HACE1: variants seen among roughly 807,000 people sequenced by gnomAD.
The protein encoded by HACE1 is E3 ubiquitin-protein ligase HACE1.
Under a neutral mutation model 118.4 loss-of-function variants are expected in HACE1, and 73 were observed. The ratio of observed to expected loss-of-function variants is 0.62; its 90% CI spans 0.51 to 0.75. The LOEUF (loss-of-function observed/expected upper bound fraction) is 0.75, where lower values mean the gene tolerates loss of function less well. Among genes scored for constraint, HACE1 ranks in the 30% least tolerant of loss-of-function variants. The probability of loss-of-function intolerance (pLI) is 0.00; values close to 1 mark genes in which losing one functional copy is unlikely to be tolerated. For synonymous variants in HACE1, 368 were observed against 374.8 expected (o/e 0.98, Z 0.21); for missense variants, 749 against 1,102.2 (o/e 0.68, Z 4.54).
intron 11 of HACE1, among the ~76,000 whole-genome samples, chr6:104,790,406 A>AT (rs1469266014): frequency 3.9e-5 from 6 of 152,228 alleles, no homozygotes; most frequent in Admixed American, 3.9e-4. Flanking sequence ...AAAAACATTT[A>AT]TATCACTTTT....
intron 7 of HACE1, among the ~76,000 whole-genome samples, chr6:104,808,243 T>C (rs1471782599): frequency 6.6e-6 from 1 of 151,254 alleles, no homozygotes; most frequent in Admixed American, 6.6e-5. Context: ...GAAAACCCTG[T>C]AGAGCAATTA....
Position 104,791,497 on chromosome 6 carries a change from T to C in HACE1, c.1074+7A>G. 1 of 1,608,468 alleles carries C rather than the reference T, an allele frequency of 6.2e-7. No individual in the cohort carries two copies. Among genetic ancestry groups the C allele is most frequent in the Non-Finnish European group, 8.5e-7 (1 of 1,175,004 alleles). Reference sequence around the variant, plus strand: ...ATCTTCCTAACAATGCCATATACTTTTCTCACCTTGAACACCTGGCTTCTT... The same window carrying C: ...ATCTTCCTAACAATGCCATATACTTCTCTCACCTTGAACACCTGGCTTCTT... On this transcript the variant is annotated splice_region_variant and intron_variant, in intron 11 of 23. Transcript: ENST00000262903.
chr6:104,776,852 G>A (rs765670890), intron 16 of HACE1, 24 bp from the exon 17 acceptor site: 1 of 1,531,362 alleles, frequency 6.5e-7, no homozygotes, highest in Non-Finnish European at 9.1e-7. Flanking sequence ...ATAAAATTAA[G>A]CATCAACAGA....
chr6:104,845,153 G>A (rs1775525918), intron 4 of HACE1, among the ~76,000 whole-genome samples: 1 of 151,734 alleles, frequency 6.6e-6, no homozygotes, highest in South Asian at 2.1e-4. Flanking sequence ...ACTTTGAATG[G>A]CAGAGTATAT....
Position 104,729,594 on chromosome 6 carries a change from C to T in HACE1, c.*68G>A. ...TGCATTTAGGCTGCTTTTTTGTTGA[C>T]ATTTTCCCAAATTACTTCTGCCATT... On this transcript the variant is annotated 3_prime_UTR_variant, in exon 24 of 24. Transcript: ENST00000262903. 1 of 851,872 alleles carries T rather than the reference C, an allele frequency of 1.2e-6. No individual in the cohort carries two copies. 52.8% of individuals were successfully genotyped at this position (851,872 alleles called of 1,614,324 possible).
At chr6:104,734,113 A>G (rs565424923) in intron 22 of HACE1, among the ~76,000 whole-genome samples, 1 of 143,916 alleles carries the variant, frequency 6.9e-6, no homozygotes, top group African/African-American at 2.7e-5. Context: ...AGTGAGATCC[A>G]GCCTGAGAAA....
chr6:104,801,682 C>T (rs939674109), intron 7 of HACE1, among the ~76,000 whole-genome samples: 3 of 152,190 alleles, frequency 2.0e-5, no homozygotes, highest in African/African-American at 4.8e-5. Flanking sequence ...ATTTTGTCAC[C>T]ACCAGGCCTG....
chr6:104,789,199 CA>C (rs1389093255), intron 11 of HACE1, among the ~76,000 whole-genome samples: 3 of 152,054 alleles, frequency 2.0e-5, no homozygotes, highest in African/African-American at 7.2e-5. Context: ...ATCATTTTGC[CA>C]ATCCCCAAAG....
intron 23 of HACE1, among the ~76,000 whole-genome samples, chr6:104,730,058 G>C (rs1232195220): frequency 6.6e-6 from 1 of 152,130 alleles, no homozygotes; most frequent in Non-Finnish European, 1.5e-5. Flanking sequence ...ACTTACGGTA[G>C]TGTAACTTTA....
At chr6:104,765,477 T>C (rs1365701259) in intron 19 of HACE1, among the ~76,000 whole-genome samples, 1 of 152,178 alleles carries the variant, frequency 6.6e-6, no homozygotes, top group Non-Finnish European at 1.5e-5. Context: ...AACAACAAAA[T>C]AGTGATATTT....
At chr6:104,829,690 T>C (rs1049556543) in intron 6 of HACE1, among the ~76,000 whole-genome samples, 1 of 152,144 alleles carries the variant, frequency 6.6e-6, no homozygotes, top group Non-Finnish European at 1.5e-5. Context: ...GAATAAATCC[T>C]GTTGGCCATT....
Position 104,859,548 on chromosome 6 carries a change from G to GC in HACE1, c.76+18dup, listed in dbSNP as rs1413319370. The GC allele has an allele frequency of 6.6e-6, 10 of 1,508,538 alleles. No homozygotes were observed. The highest frequency in any genetic ancestry group is 8.8e-6 in the Non-Finnish European group (10 of 1,133,666). The allele number at this position is 1,508,538 out of a possible 1,614,324, so 93.4% of individuals were successfully genotyped here. A position where few individuals can be genotyped will look rare whatever the true frequency, so the allele number is the denominator to read the frequency against. ...CGCCCCCAGCCCCGCGGCCAGCCTGGCCCCGCGACCCGGCTCACCCTCGGG... is the reference window on the plus strand; with the variant it reads ...CGCCCCCAGCCCCGCGGCCAGCCTGGCCCCCGCGACCCGGCTCACCCTCGGG... On this transcript the variant is annotated intron_variant, in intron 1 of 23. Coordinates refer to ENST00000262903, the MANE Select transcript of HACE1 (RefSeq NM_020771.4).
intron 6 of HACE1, among the ~76,000 whole-genome samples, chr6:104,817,867 A>G (rs775141580): frequency 2.6e-5 from 4 of 152,226 alleles, no homozygotes; most frequent in African/African-American, 4.8e-5. Flanking sequence ...ATCATTTACC[A>G]TAACAAGAAA....
chr6:104,784,571 A>G, intron 12 of HACE1, 86 bp from the exon 13 acceptor site: 2 of 905,620 alleles, frequency 2.2e-6, no homozygotes, highest in Non-Finnish European at 3.5e-6. Flanking sequence ...ACTGAACTGG[A>G]CTGGCTTCTA....
chr6:104,762,602 G>C (rs1779495086), intron 19 of HACE1, among the ~76,000 whole-genome samples: 1 of 152,092 alleles, frequency 6.6e-6, no homozygotes, highest in African/African-American at 2.4e-5. Context: ...TAATGTAGCT[G>C]ACGGTTTCAT....
intron 19 of HACE1, among the ~76,000 whole-genome samples, chr6:104,765,733 G>C (rs1035460793): frequency 1.3e-5 from 2 of 152,120 alleles, no homozygotes; most frequent in Non-Finnish European, 2.9e-5. Flanking sequence ...CCATTAAGTG[G>C]CAAGTGTTCA....
Position 104,849,002 on chromosome 6 carries a change from T to G in HACE1, c.326+140A>C, listed in dbSNP as rs145338984. On this transcript the variant is annotated intron_variant, in intron 4 of 23. Coordinates refer to ENST00000262903, the MANE Select transcript of HACE1 (RefSeq NM_020771.4). Reference sequence around the variant, plus strand: ...ATATCTTTGAGAGACAAAAAAAATATAGAAAATAAAATATGCACCATTATT... The same window carrying G: ...ATATCTTTGAGAGACAAAAAAAATAGAGAAAATAAAATATGCACCATTATT... 4.8e-5 allele frequency: 31 copies of G among 646,980 alleles called. No individual in the cohort carries two copies. In the East Asian group the frequency reaches 8.5e-4, roughly 18 times the overall value. The allele number at this position is 646,980 out of a possible 1,614,324, so 40.1% of individuals were successfully genotyped here. A position where few individuals can be genotyped will look rare whatever the true frequency, so the allele number is the denominator to read the frequency against.
chr6:104,777,064 A>T lies in HACE1; in HGVS notation c.1725T>A (p.Cys575Ter). Reference protein sequence around the residue: ...SSCEVVSKANCAKLKQGIAVR... With the variant: ...SSCEVVSKAN ...CAGCAATCCCTTGCTTTAGCTTTGCACAATTTGCTTTTGACACAACTTCAC... is the reference window on the plus strand; with the variant it reads ...CAGCAATCCCTTGCTTTAGCTTTGCTCAATTTGCTTTTGACACAACTTCAC... Residue 575 changes from cysteine (C) to a stop codon, truncating the protein, a stop_gained, in exon 16 of 24, where the codon TGT (cysteine) becomes TGA (stop). Coordinates refer to ENST00000262903, the MANE Select transcript of HACE1 (RefSeq NM_020771.4). LOFTEE classifies it high-confidence loss of function. The T allele has an allele frequency of 6.2e-7, 1 of 1,613,346 alleles. No individual in the cohort carries two copies. The highest frequency in any genetic ancestry group is 8.5e-7 in the Non-Finnish European group (1 of 1,179,406).
chr6:104,830,775 T>G (rs901768678), intron 6 of HACE1, among the ~76,000 whole-genome samples: 1 of 150,438 alleles, frequency 6.6e-6, no homozygotes, highest in South Asian at 2.1e-4. Context: ...TTTTTTTTTT[T>G]GAAGAGACGA....
Sources: gnomAD v4.1 joint callset for allele counts (sites outside exome capture counted in the v4.1 genomes callset) on GRCh38, gnomAD v4.1.1 for gene constraint, MANE v1.5 for transcripts, NCBI Gene and HGNC (gene_info 2026-07-23, HGNC 2026-07-21) for gene names.